The following ZNF804A variants were observed in gnomAD, a reference collection of about 807,000 sequenced individuals.
ZNF804A encodes the protein zinc finger protein 804A.
In ZNF804A, 2 loss-of-function variants were observed where a neutral mutation model predicts 16.5. That is an observed-to-expected ratio of 0.12 (90% confidence interval 0.05 to 0.38). ZNF804A has a LOEUF of 0.38. Among genes scored for constraint, ZNF804A ranks in the 10% least tolerant of loss-of-function variants. The pLI is 0.99. For synonymous variants in ZNF804A, 534 were observed against 489.6 expected (o/e 1.09, Z -1.20); for missense variants, 1,473 against 1,390.7 (o/e 1.06, Z -0.94).
intron 2 of ZNF804A, among the ~76,000 whole-genome samples, chr2:184,912,712 C>A (rs1685382680): frequency 6.6e-6 from 1 of 151,946 alleles, no homozygotes; most frequent in Admixed American, 6.6e-5. Flanking sequence ...AATGACGTTG[C>A]ACATCGTTTC....
chr2:184,749,698 C>T (rs536233552), intron 1 of ZNF804A, among the ~76,000 whole-genome samples: 1 of 151,292 alleles, frequency 6.6e-6, no homozygotes, highest in East Asian at 1.9e-4. Flanking sequence ...TTGGGATAGA[C>T]CAGCCATTTT....
intron 1 of ZNF804A, among the ~76,000 whole-genome samples, chr2:184,723,855 C>T (rs1263986995): frequency 6.6e-6 from 1 of 151,576 alleles, no homozygotes. Context: ...ATTTATTTTG[C>T]TTCTGTTCTA....
intron 1 of ZNF804A, among the ~76,000 whole-genome samples, chr2:184,678,678 C>T (rs1454842776): frequency 2.0e-5 from 3 of 152,082 alleles, no homozygotes; most frequent in Non-Finnish European, 4.4e-5. Flanking sequence ...TAATCTTCTA[C>T]CTAAGTATAG....
At chr2:184,612,206 A>G (rs1691249024) in intron 1 of ZNF804A, among the ~76,000 whole-genome samples, 1 of 152,138 alleles carries the variant, frequency 6.6e-6, no homozygotes. Context: ...TTTGAAAATT[A>G]TTTCTTATTT....
intron 1 of ZNF804A, among the ~76,000 whole-genome samples, chr2:184,794,171 A>G (rs1694594346): frequency 6.6e-6 from 1 of 152,124 alleles, no homozygotes; most frequent in Non-Finnish European, 1.5e-5. Context: ...CGGTTGTACT[A>G]GTTTCCATTC....
At chr2:184,879,419 T>C (rs1290323411) in intron 2 of ZNF804A, among the ~76,000 whole-genome samples, 2 of 152,012 alleles carry the variant, frequency 1.3e-5, no homozygotes, top group African/African-American at 4.8e-5. Context: ...TTTTGATTTT[T>C]AAACTTTTAT....
intron 2 of ZNF804A, among the ~76,000 whole-genome samples, chr2:184,868,479 G>C (rs1695915624): frequency 6.6e-6 from 1 of 151,998 alleles, no homozygotes; most frequent in African/African-American, 2.4e-5. Flanking sequence ...TTTCTCTCTT[G>C]AGAACTTGAA....
chr2:184,807,075 A>G (rs112406896), intron 1 of ZNF804A, among the ~76,000 whole-genome samples: 1 of 151,592 alleles, frequency 6.6e-6, no homozygotes, highest in Non-Finnish European at 1.5e-5. Flanking sequence ...AACTTGGCAT[A>G]GTCTTTACCT....
rs1201838390 is a variant in ZNF804A, at chr2:184,895,235, T to TGAGA, written c.255+28724_255+28725insAGAG. Among the ~76,000 whole-genome samples the TGAGA allele has an allele frequency of 1.6e-3, 237 of 151,972 alleles. 1 individual carries two copies. Among genetic ancestry groups the TGAGA allele is most frequent in the African/African-American group, 5.5e-3 (229 of 41,430 alleles). ...TTGTGGGTGGGTGGGGGTGTGTGTG[T>TGAGA]GTGAGAGAGAGAGAGAGAGAAAATA... On this transcript the variant is annotated intron_variant, in intron 2 of 3. Coordinates refer to ENST00000302277, the MANE Select transcript of ZNF804A (RefSeq NM_194250.2).
chr2:184,624,210 A>G (rs1293624294), intron 1 of ZNF804A, among the ~76,000 whole-genome samples: 1 of 152,156 alleles, frequency 6.6e-6, no homozygotes, highest in African/African-American at 2.4e-5. Flanking sequence ...GAATGGTGAT[A>G]CAACTATGTG....
At chr2:184,692,494 T>G (rs1692748584) in intron 1 of ZNF804A, among the ~76,000 whole-genome samples, 1 of 152,200 alleles carries the variant, frequency 6.6e-6, no homozygotes, top group Non-Finnish European at 1.5e-5. Flanking sequence ...TAATAAGCAT[T>G]ACTCCTAGTC....
intron 1 of ZNF804A, among the ~76,000 whole-genome samples, chr2:184,602,208 A>C (rs1251019558): frequency 6.6e-6 from 1 of 151,942 alleles, no homozygotes; most frequent in Admixed American, 6.5e-5. Flanking sequence ...TGAGCTTTTA[A>C]ATATATTCCT....
chr2:184,749,490 G>A (rs1346146878), intron 1 of ZNF804A, among the ~76,000 whole-genome samples: 1 of 151,228 alleles, frequency 6.6e-6, no homozygotes, highest in African/African-American at 2.4e-5. Context: ...AGTCCTTAGG[G>A]TTTTCTAAGT....
At chr2:184,929,652 A>G (rs1295821537) in intron 2 of ZNF804A, among the ~76,000 whole-genome samples, 1 of 152,174 alleles carries the variant, frequency 6.6e-6, no homozygotes, top group East Asian at 1.9e-4. Flanking sequence ...ACTATTTATA[A>G]CTAATAATCA....
intron 1 of ZNF804A, among the ~76,000 whole-genome samples, chr2:184,685,879 C>T (rs1005939621): frequency 2.0e-5 from 3 of 152,170 alleles, no homozygotes; most frequent in Admixed American, 6.5e-5. Context: ...CAGTCCTTAG[C>T]GCCCAGGCTG....
chr2:184,681,775 G>C (rs1157539974), intron 1 of ZNF804A, among the ~76,000 whole-genome samples: 1 of 152,164 alleles, frequency 6.6e-6, no homozygotes. Context: ...AATTAAAGGG[G>C]CAGGAGCCCC....
chr2:184,910,430 A>G (rs1685337809), intron 2 of ZNF804A, among the ~76,000 whole-genome samples: 1 of 152,032 alleles, frequency 6.6e-6, no homozygotes, highest in Non-Finnish European at 1.5e-5. Context: ...TGCTGCAATG[A>G]CCATAACACA....
intron 1 of ZNF804A, among the ~76,000 whole-genome samples, chr2:184,607,973 T>C (rs1214442901): frequency 5.0e-5 from 5 of 99,450 alleles, no homozygotes; most frequent in Non-Finnish European, 9.1e-5. Context: ...TGAGACGGAG[T>C]CTCGCTCTGT....
intron 1 of ZNF804A, among the ~76,000 whole-genome samples, chr2:184,676,979 T>C (rs1298996773): frequency 1.3e-5 from 2 of 151,942 alleles, no homozygotes; most frequent in Admixed American, 1.3e-4. Context: ...GAAAGTATTA[T>C]TCAGGATCAG....
Sources: gnomAD v4.1 joint callset for allele counts (sites outside exome capture counted in the v4.1 genomes callset) on GRCh38, gnomAD v4.1.1 for gene constraint, MANE v1.5 for transcripts, NCBI Gene and HGNC (gene_info 2026-07-23, HGNC 2026-07-21) for gene names.